PAPPA: variants seen among roughly 807,000 people sequenced by gnomAD.
PAPPA encodes the protein pappalysin 1, also known as pappalysin-1.
Under a neutral mutation model 164.0 loss-of-function variants are expected in PAPPA, and 60 were observed. The ratio of observed to expected loss-of-function variants is 0.37; its 90% CI spans 0.30 to 0.45. PAPPA has a LOEUF of 0.45. PAPPA is among the 20% of genes least tolerant of loss of function. The pLI, the probability that PAPPA is intolerant of heterozygous loss-of-function variation, is 1.00. For synonymous variants in PAPPA, 875 were observed against 814.1 expected (o/e 1.07, Z -1.27); for missense variants, 1,782 against 2,087.3 (o/e 0.85, Z 2.85).
intron 7 of PAPPA, among the ~76,000 whole-genome samples, chr9:116,246,425 A>C (rs1056193661): frequency 2.0e-5 from 3 of 152,170 alleles, no homozygotes; most frequent in African/African-American, 7.2e-5. Context: ...GCTTTAAAAA[A>C]TTTTTCTTAT....
intron 7 of PAPPA, among the ~76,000 whole-genome samples, chr9:116,255,085 A>G (rs1320537419): frequency 6.6e-6 from 1 of 151,802 alleles, no homozygotes; most frequent in African/African-American, 2.4e-5. Context: ...AATATAATAT[A>G]CTCTGAGTTT....
chr9:116,154,265 C>A lies in PAPPA; in HGVS notation c.93C>A (p.Asp31Glu). ...LAERPRRARR[D>E]PRAGRPPRPA... ...AGCGTCCCCGCCGGGCCCGGAGAGACCCGCGGGCCGGCCGACCCCCGCGCC... is the reference window on the plus strand; with the variant it reads ...AGCGTCCCCGCCGGGCCCGGAGAGAACCGCGGGCCGGCCGACCCCCGCGCC... The change falls in exon 1 of 22, where the codon GAC becomes GAA. Residue 31 changes from aspartate to glutamate, a missense_variant. By Grantham distance (45) the Asp-to-Glu change is conservative. Transcript: ENST00000328252. This position sits in a 1 kb window ranked among gnomAD's most constrained non-coding sequence, Gnocchi z 5.2. The A allele has an allele frequency of 1.8e-6, 2 of 1,121,308 alleles. No individual in the cohort carries two copies. Among genetic ancestry groups the A allele is most frequent in the Non-Finnish European group, 2.2e-6 (2 of 918,052 alleles). The allele number at this position is 1,121,308 out of a possible 1,614,324, so 69.5% of individuals were successfully genotyped here.
intron 6 of PAPPA, among the ~76,000 whole-genome samples, chr9:116,231,684 TGGA>T (rs1844595293): frequency 6.7e-6 from 1 of 150,294 alleles, no homozygotes; most frequent in Non-Finnish European, 1.5e-5. Context: ...GATGGATGGA[TGGA>T]TGGATGGATG....
intron 1 of PAPPA, among the ~76,000 whole-genome samples, chr9:116,185,655 A>G (rs1843961015): frequency 1.3e-5 from 2 of 152,178 alleles, no homozygotes; most frequent in African/African-American, 4.8e-5. Context: ...CTTAATTAGA[A>G]AGTCCTCTTC....
intron 15 of PAPPA, among the ~76,000 whole-genome samples, chr9:116,348,953 A>C (rs1290256882): frequency 6.6e-6 from 1 of 152,168 alleles, no homozygotes; most frequent in African/African-American, 2.4e-5. Context: ...AAATAGTAAA[A>C]GCACTAATTT....
intron 7 of PAPPA, among the ~76,000 whole-genome samples, chr9:116,239,682 C>T (rs1844713796): frequency 6.6e-6 from 1 of 152,056 alleles, no homozygotes; most frequent in Admixed American, 6.6e-5. Flanking sequence ...TTAAACTAAC[C>T]TCATACAGCT....
In PAPPA at chr9:116,314,060, C is replaced by CTTTTTTTTTTTTTTTTTTT. The variant is rs57871796; in HGVS notation, c.3147+11122_3147+11140dup. Among the ~76,000 whole-genome samples, 14 of 69,728 alleles carry CTTTTTTTTTTTTTTTTTTT rather than the reference C, an allele frequency of 2.0e-4. 1 individual carries two copies. Among genetic ancestry groups the CTTTTTTTTTTTTTTTTTTT allele is most frequent in the South Asian group, 1.4e-3 (3 of 2,110 alleles). 45.7% of individuals were successfully genotyped at this position (69,728 alleles called of 152,430 possible). A position where few individuals can be genotyped will look rare whatever the true frequency, so the allele number is the denominator to read the frequency against. On this transcript the variant is annotated intron_variant, in intron 10 of 21. Coordinates refer to ENST00000328252, the MANE Select transcript of PAPPA (RefSeq NM_002581.5). ...ATTCAGTTCTGTCATTGCATCGAAT[C>CTTTTTTTTTTTTTTTTTTT]TTTTTTTTTTTTTTTTTTTTTTTTT...
chr9:116,212,581 T>C (rs535219691), intron 4 of PAPPA, among the ~76,000 whole-genome samples: 3 of 152,288 alleles, frequency 2.0e-5, no homozygotes, highest in African/African-American at 7.2e-5. Flanking sequence ...AGCATCAAAT[T>C]CTGTTACCAT....
At position 116,154,331 on chromosome 9, in the gene PAPPA, C is replaced by A. The variant is rs1843572493; in HGVS notation, c.159C>A (p.Arg53=). ...GPATCATRAA[R]GRRASPPPPP... is the part of the protein sequence containing the mutation. The stretch of plus-strand genomic sequence containing the variant: ...CCACCTGCGCCACCCGGGCGGCCCG[C>A]GGCCGCCGCGCCTCGCCGCCGCCGC... The change falls in exon 1 of 22, where the codon CGC becomes CGA. Residue 53 remains arginine (R), a synonymous_variant. Transcript: ENST00000328252. The surrounding 1 kb of genome is among the most constrained non-coding windows in gnomAD (Gnocchi z 5.2). The A allele has an allele frequency of 5.9e-6, 5 of 841,920 alleles. No homozygotes were observed. The highest frequency in any genetic ancestry group is 7.1e-6 in the Non-Finnish European group (5 of 703,352). The allele number at this position is 841,920 out of a possible 1,614,324, so 52.2% of individuals were successfully genotyped here. A position where few individuals can be genotyped will look rare whatever the true frequency, so the allele number is the denominator to read the frequency against.
Position 116,338,762 on chromosome 9 carries a change from C to T in PAPPA, c.3611+3688C>T, listed in dbSNP as rs200472132. Reference sequence around the variant, plus strand: ...ATGCCAAATACTGCCTGACTCTTCTCCAAAATATTGTCCAATTCACAGCCC... The same window carrying T: ...ATGCCAAATACTGCCTGACTCTTCTTCAAAATATTGTCCAATTCACAGCCC... On this transcript the variant is annotated intron_variant, in intron 13 of 21. Transcript: ENST00000328252. 2.0e-5 allele frequency among the ~76,000 whole-genome samples: 3 copies of T among 152,322 alleles called. No individual in the cohort carries two copies. The East Asian group carries it at 5.8e-4, about 29-fold the overall frequency.
In PAPPA at chr9:116,360,847, G is replaced by A. The variant is rs574402853; in HGVS notation, c.4348-1745G>A. 2.0e-5 allele frequency among the ~76,000 whole-genome samples: 3 copies of A among 152,292 alleles called. No homozygotes were observed. The South Asian group carries it at 6.2e-4, about 32-fold the overall frequency. ...AGGGCACCAGCCTGGGCCTTGAGGAGCTCATTGTCTGGTTGCAAAACAGAT... is the reference window on the plus strand; with the variant it reads ...AGGGCACCAGCCTGGGCCTTGAGGAACTCATTGTCTGGTTGCAAAACAGAT... On this transcript the variant is annotated intron_variant, in intron 17 of 21. Coordinates refer to ENST00000328252, the MANE Select transcript of PAPPA (RefSeq NM_002581.5).
chr9:116,317,275 C>T (rs1459722523), intron 10 of PAPPA, among the ~76,000 whole-genome samples: 1 of 152,162 alleles, frequency 6.6e-6, no homozygotes, highest in Non-Finnish European at 1.5e-5. Context: ...TATTCATAAC[C>T]AAGGGTTTCG....
At chr9:116,292,961 A>G (rs1367686623) in intron 9 of PAPPA, among the ~76,000 whole-genome samples, 1 of 152,172 alleles carries the variant, frequency 6.6e-6, no homozygotes, top group Non-Finnish European at 1.5e-5. Flanking sequence ...GGAGGACTGC[A>G]AGAAGACAGG....
At chr9:116,355,063 A>G (rs1013626195) in intron 17 of PAPPA, among the ~76,000 whole-genome samples, 2 of 151,928 alleles carry the variant, frequency 1.3e-5, no homozygotes, top group African/African-American at 4.8e-5. Flanking sequence ...TATCCCTTCC[A>G]CTGCCGGGCT....
At chr9:116,314,473 C>A (rs747429462) in intron 10 of PAPPA, among the ~76,000 whole-genome samples, 2 of 152,132 alleles carry the variant, frequency 1.3e-5, no homozygotes, top group African/African-American at 2.4e-5. Context: ...TGCATAAATT[C>A]TCACTGGAGG....
intron 21 of PAPPA, among the ~76,000 whole-genome samples, chr9:116,395,808 A>G (rs1427770817): frequency 6.6e-6 from 1 of 152,194 alleles, no homozygotes; most frequent in Non-Finnish European, 1.5e-5. Flanking sequence ...CAAGCCTCCC[A>G]GAAGGTGGTC....
In PAPPA at chr9:116,362,812, G is replaced by T. The variant is rs1037143430; in HGVS notation, c.4495+73G>T. 29 of 1,458,882 alleles carry T rather than the reference G, an allele frequency of 2.0e-5. No individual in the cohort carries two copies. In the Admixed American group the frequency reaches 5.6e-4, roughly 28 times the overall value. The allele number at this position is 1,458,882 out of a possible 1,614,324, so 90.4% of individuals were successfully genotyped here. A position where few individuals can be genotyped will look rare whatever the true frequency, so the allele number is the denominator to read the frequency against. On this transcript the variant is annotated intron_variant, in intron 18 of 21. Transcript: ENST00000328252. ...GCAATGCAGGGCTAATGCCTGGGTG[G>T]GTCATTGAACACCCTGGCCACATGA...
intron 6 of PAPPA, among the ~76,000 whole-genome samples, chr9:116,230,241 T>C (rs1407522255): frequency 6.6e-6 from 1 of 152,248 alleles, no homozygotes; most frequent in Non-Finnish European, 1.5e-5. Flanking sequence ...ACCCTTTTAA[T>C]ATCCTTGAAG....
intron 10 of PAPPA, among the ~76,000 whole-genome samples, chr9:116,314,391 C>T (rs1022115103): frequency 6.6e-6 from 1 of 152,052 alleles, no homozygotes; most frequent in African/African-American, 2.4e-5. Flanking sequence ...TTTAAAATGA[C>T]ATTTCTCTTT....
Sources: allele counts gnomAD v4.1 joint callset (sites outside exome capture counted in the v4.1 genomes callset), GRCh38; gene constraint gnomAD v4.1.1; non-coding constraint Gnocchi (gnomAD v3.1); transcripts MANE v1.5; gene names NCBI Gene and HGNC (gene_info 2026-07-23, HGNC 2026-07-21).